The following TRAPPC10 variants were observed in gnomAD, a reference collection of about 807,000 sequenced individuals.
The protein encoded by TRAPPC10 is TRAPP 130 kDa subunit.
Under a neutral mutation model 125.5 loss-of-function variants are expected in TRAPPC10, and 23 were observed. The observed-to-expected ratio is 0.18, with a 90% CI of 0.13 to 0.26. The LOEUF (loss-of-function observed/expected upper bound fraction) is 0.26. Among genes scored for constraint, TRAPPC10 ranks in the 10% least tolerant of loss-of-function variants. The pLI is 1.00. For synonymous variants in TRAPPC10, 509 were observed against 518.0 expected (o/e 0.98, Z 0.24); for missense variants, 1,123 against 1,308.4 (o/e 0.86, Z 2.19).
chr21:44,092,899 C>T (rs912622124), intron 19 of TRAPPC10, among the ~76,000 whole-genome samples: 1 of 152,102 alleles, frequency 6.6e-6, no homozygotes, highest in Non-Finnish European at 1.5e-5. Flanking sequence ...TGGGTTCAAG[C>T]GATTCTCCTG....
intron 3 of TRAPPC10, among the ~76,000 whole-genome samples, chr21:44,049,228 G>C (rs73375114): frequency 6.6e-6 from 1 of 152,264 alleles, no homozygotes; most frequent in African/African-American, 2.4e-5. Flanking sequence ...GCTTGTGTAC[G>C]TACATACATA....
chr21:44,053,923 TGA>T (rs1360859970), intron 4 of TRAPPC10, among the ~76,000 whole-genome samples: 2 of 78,068 alleles, frequency 2.6e-5, no homozygotes, highest in African/African-American at 3.3e-4. Flanking sequence ...TAAAAAAAAT[TGA>T]TGATGATATA....
intron 5 of TRAPPC10, 144 bp from the exon 6 acceptor site, chr21:44,058,959 G>A (rs892132377): frequency 8.8e-6 from 5 of 568,980 alleles, no homozygotes; most frequent in African/African-American, 5.8e-5. Context: ...ATATGCGGTC[G>A]TCACATTGGT....
chr21:44,077,110 A>G (rs2037344540), intron 10 of TRAPPC10, among the ~76,000 whole-genome samples: 1 of 152,194 alleles, frequency 6.6e-6, no homozygotes, highest in Non-Finnish European at 1.5e-5. Context: ...CAAGTATGAA[A>G]AATACCCAGC....
chr21:44,050,764 C>G (rs769641388), intron 3 of TRAPPC10, among the ~76,000 whole-genome samples: 2 of 152,156 alleles, frequency 1.3e-5, no homozygotes, highest in Non-Finnish European at 2.9e-5. Flanking sequence ...AGTAAAAGAT[C>G]TTTTCAGATT....
At position 44,083,299 on chromosome 21, in the gene TRAPPC10, T is replaced by C; in HGVS notation, c.2235T>C (p.Thr745=). Reference sequence around the variant, plus strand: ...GGGCCAACCAGATAACATTCAGGACTCAGGTATGCGTTCAGGGTGGGAACT... The same window carrying C: ...GGGCCAACCAGATAACATTCAGGACCCAGGTATGCGTTCAGGGTGGGAACT... ...EPGANQITFR[T]QAKEPGTYTL... The change falls in exon 14 of 23, where the codon ACT becomes ACC. Residue 745 remains threonine, a synonymous_variant. Transcript: ENST00000291574. 1.2e-6 allele frequency: 2 copies of C among 1,612,932 alleles called. No homozygotes were observed. The highest frequency in any genetic ancestry group is 1.7e-6 in the Non-Finnish European group (2 of 1,179,302).
chr21:44,035,704 G>A (rs572343640), intron 2 of TRAPPC10, among the ~76,000 whole-genome samples: 1 of 152,288 alleles, frequency 6.6e-6, no homozygotes, highest in Admixed American at 6.5e-5. Context: ...TTGAACCTGG[G>A]AGGAGGAGAT....
At chr21:44,036,602 A>G (rs1460894786) in intron 2 of TRAPPC10, among the ~76,000 whole-genome samples, 5 of 152,204 alleles carry the variant, frequency 3.3e-5, no homozygotes, top group Non-Finnish European at 1.5e-5. Flanking sequence ...TGAAGTGAAT[A>G]CAAATATTTT....
At chr21:44,095,547 G>A (rs897648676) in intron 20 of TRAPPC10, among the ~76,000 whole-genome samples, 2 of 147,500 alleles carry the variant, frequency 1.4e-5, no homozygotes, top group African/African-American at 5.0e-5. Context: ...TAAAGTATGG[G>A]TTTTTTTTTG....
intron 13 of TRAPPC10, among the ~76,000 whole-genome samples, chr21:44,081,858 G>A (rs551413668): frequency 9.2e-5 from 14 of 152,220 alleles, no homozygotes; most frequent in South Asian, 8.3e-4. Context: ...TAGCCTGGGC[G>A]ACAGAGCGAG....
At chr21:44,064,040 C>T (rs1317362728) in intron 7 of TRAPPC10, among the ~76,000 whole-genome samples, 1 of 152,246 alleles carries the variant, frequency 6.6e-6, no homozygotes, top group Non-Finnish European at 1.5e-5. Flanking sequence ...CTCAGTGAAG[C>T]TCACTGGCTG....
chr21:44,076,361 T>A (rs1239800500), intron 9 of TRAPPC10, among the ~76,000 whole-genome samples, 191 bp from the exon 10 acceptor site: 3 of 152,256 alleles, frequency 2.0e-5, no homozygotes, highest in Admixed American at 6.5e-5. Flanking sequence ...ACAAAGCGTT[T>A]TGACTATTTT....
chr21:44,072,636 G>A (rs567151898), intron 7 of TRAPPC10, among the ~76,000 whole-genome samples: 6 of 152,266 alleles, frequency 3.9e-5, no homozygotes, highest in African/African-American at 1.4e-4. Context: ...GCTAATTTTT[G>A]TATTTTTAGT....
chr21:44,041,224 C>T (rs1309031987), intron 3 of TRAPPC10, among the ~76,000 whole-genome samples: 2 of 152,142 alleles, frequency 1.3e-5, no homozygotes, highest in Non-Finnish European at 2.9e-5. Flanking sequence ...TTTTGGGAAA[C>T]TAGCTGGGCC....
intron 5 of TRAPPC10, among the ~76,000 whole-genome samples, chr21:44,056,486 C>A (rs2035603114): frequency 6.6e-6 from 1 of 152,144 alleles, no homozygotes; most frequent in Admixed American, 6.5e-5. Flanking sequence ...AAACCAGGTA[C>A]ATACCACCTG....
intron 15 of TRAPPC10, among the ~76,000 whole-genome samples, chr21:44,086,096 C>T (rs368579053): frequency 3.3e-5 from 5 of 152,204 alleles, no homozygotes; most frequent in African/African-American, 7.2e-5. Flanking sequence ...AAGCTGAACT[C>T]GATTCCCGCA....
chr21:44,088,891 C>T (rs1174008774), intron 17 of TRAPPC10: 1 of 165,112 alleles, frequency 6.1e-6, no homozygotes, highest in East Asian at 1.9e-4. Context: ...CCTCTCTTCC[C>T]TGGCGCTGGC....
intron 3 of TRAPPC10, among the ~76,000 whole-genome samples, chr21:44,048,181 C>T (rs1601655014): frequency 6.6e-6 from 1 of 152,188 alleles, no homozygotes; most frequent in African/African-American, 2.4e-5. Flanking sequence ...GTGGAATACT[C>T]GAGGGCCCTG....
intron 15 of TRAPPC10, among the ~76,000 whole-genome samples, chr21:44,084,720 C>T (rs1396027200): frequency 6.6e-6 from 1 of 152,162 alleles, no homozygotes; most frequent in Admixed American, 6.5e-5. Context: ...GTCCCCAAGA[C>T]AGTCCCCCCC....
Sources: allele counts gnomAD v4.1 joint callset (sites outside exome capture counted in the v4.1 genomes callset), GRCh38; gene constraint gnomAD v4.1.1; transcripts MANE v1.5; gene names NCBI Gene and HGNC (gene_info 2026-07-23, HGNC 2026-07-21).